The following FRMD6 variants were observed in gnomAD, a reference collection of about 807,000 sequenced individuals.
FRMD6 encodes FERM domain-containing protein 6.
In FRMD6, 37 loss-of-function variants were observed where a neutral mutation model predicts 73.2. The observed-to-expected ratio is 0.51, with a 90% CI of 0.39 to 0.66. The LOEUF (loss-of-function observed/expected upper bound fraction) is 0.66, where lower values mean the gene tolerates loss of function less well. FRMD6 is among the 30% of genes least tolerant of loss of function. The pLI, the probability that FRMD6 is intolerant of heterozygous loss-of-function variation, is 0.00. For synonymous variants in FRMD6, 273 were observed against 282.2 expected (o/e 0.97, Z 0.33); for missense variants, 714 against 780.5 (o/e 0.91, Z 1.02).
upstream of FRMD6, among the ~76,000 whole-genome samples, chr14:51,485,946 A>T (rs1349513842): frequency 1.3e-5 from 2 of 152,052 alleles, no homozygotes; most frequent in Non-Finnish European, 2.9e-5. Flanking sequence ...CTGCCTCAGA[A>T]TCCCAGACCT....
At chr14:51,602,265 A>G (rs1445643699) in intron 2 of FRMD6, among the ~76,000 whole-genome samples, 1 of 152,158 alleles carries the variant, frequency 6.6e-6, no homozygotes, top group Non-Finnish European at 1.5e-5. Flanking sequence ...TCAGGAGTGT[A>G]TGTCCGTGTA....
chr14:51,644,734 G>GA (rs575261733), intron 2 of FRMD6, among the ~76,000 whole-genome samples: 3 of 152,094 alleles, frequency 2.0e-5, no homozygotes, highest in Non-Finnish European at 4.4e-5. Context: ...ATCCAATATG[G>GA]ACTATTTGCA....
chr14:51,516,458 C>T (rs1369335860), intron 1 of FRMD6, among the ~76,000 whole-genome samples: 1 of 152,160 alleles, frequency 6.6e-6, no homozygotes, highest in Non-Finnish European at 1.5e-5. Flanking sequence ...GAAGCCAACA[C>T]AAACAAAATG....
At chr14:51,563,125 C>T (rs138058618) in intron 1 of FRMD6, among the ~76,000 whole-genome samples, 13 of 152,194 alleles carry the variant, frequency 8.5e-5, no homozygotes, top group Admixed American at 8.5e-4. Flanking sequence ...ACTTCTTCCA[C>T]GGTGACTAGC....
chr14:51,677,045 T>C (rs1276251107), intron 1 of FRMD6, among the ~76,000 whole-genome samples: 3 of 152,184 alleles, frequency 2.0e-5, no homozygotes, highest in Non-Finnish European at 4.4e-5. Flanking sequence ...TTTTTTGAGA[T>C]TCGCACTTGT....
intron 1 of FRMD6, among the ~76,000 whole-genome samples, chr14:51,569,118 T>C (rs1887955289): frequency 6.6e-6 from 1 of 152,108 alleles, no homozygotes; most frequent in East Asian, 1.9e-4. Flanking sequence ...AATGCTGGGA[T>C]TACAGGCGTG....
intron 2 of FRMD6, among the ~76,000 whole-genome samples, chr14:51,641,529 T>C (rs896709681): frequency 2.0e-5 from 3 of 152,148 alleles, no homozygotes; most frequent in South Asian, 2.1e-4. Context: ...CTTGGGGCTG[T>C]GGGAAGATCC....
At chr14:51,513,461 T>C (rs1884433483) in intron 1 of FRMD6, among the ~76,000 whole-genome samples, 1 of 152,216 alleles carries the variant, frequency 6.6e-6, no homozygotes, top group African/African-American at 2.4e-5. Flanking sequence ...CATTGACAGC[T>C]ACTAAGTCAG....
chr14:51,557,333 T>C (rs1203773452), intron 1 of FRMD6, among the ~76,000 whole-genome samples: 1 of 152,138 alleles, frequency 6.6e-6, no homozygotes, highest in East Asian at 1.9e-4. Flanking sequence ...GGAAATCCTG[T>C]CACTTTCAAT....
At chr14:51,445,565 C>T in the FRMD6 span, among the ~76,000 whole-genome samples, 57,661 of 151,576 alleles carry the variant, frequency 0.38, 11,253 homozygotes, top group Non-Finnish European at 0.41. Flanking sequence ...CCTGGCTTTG[C>T]AGTTGAGGAA....
chr14:51,549,869 A>G (rs1427025029), intron 1 of FRMD6, among the ~76,000 whole-genome samples: 1 of 152,130 alleles, frequency 6.6e-6, no homozygotes, highest in Non-Finnish European at 1.5e-5. Context: ...TGCTGGGATT[A>G]CAGGCGTGGG....
At chr14:51,512,638 G>A (rs1884380442) in intron 1 of FRMD6, among the ~76,000 whole-genome samples, 1 of 151,414 alleles carries the variant, frequency 6.6e-6, no homozygotes, top group African/African-American at 2.4e-5. Context: ...TGTGGGGGAT[G>A]GATAAAAAGA....
the FRMD6 span, among the ~76,000 whole-genome samples, chr14:51,467,879 T>C: frequency 2.6e-5 from 4 of 152,084 alleles, no homozygotes; most frequent in Non-Finnish European, 4.4e-5. Flanking sequence ...CCTCACTTCT[T>C]AGACGGGATG....
At chr14:51,641,073 C>G (rs1891788054) in intron 2 of FRMD6, among the ~76,000 whole-genome samples, 1 of 152,066 alleles carries the variant, frequency 6.6e-6, no homozygotes, top group Non-Finnish European at 1.5e-5. Flanking sequence ...CAGGTTCAAG[C>G]AATTCTCACG....
intron 1 of FRMD6, among the ~76,000 whole-genome samples, chr14:51,534,103 G>A (rs892042683): frequency 2.6e-5 from 4 of 152,194 alleles, no homozygotes; most frequent in African/African-American, 9.6e-5. Context: ...GTCTATGGAG[G>A]GTGGGGGTAC....
At chr14:51,656,046 G>GCTCTA (rs1422086669) in intron 1 of FRMD6, among the ~76,000 whole-genome samples, 1 of 152,202 alleles carries the variant, frequency 6.6e-6, no homozygotes, top group African/African-American at 2.4e-5. Context: ...ACCAGAGGGG[G>GCTCTA]CTCTACAGCA....
the FRMD6 span, among the ~76,000 whole-genome samples, chr14:51,417,859 C>CT: frequency 6.6e-6 from 1 of 151,888 alleles, no homozygotes; most frequent in African/African-American, 2.4e-5. Context: ...TTTTTTTACT[C>CT]TTTTTTCTCT....
intron 2 of FRMD6, among the ~76,000 whole-genome samples, chr14:51,624,326 G>T (rs74912884): frequency 0.02 from 3,103 of 152,208 alleles, 54 homozygotes; most frequent in Non-Finnish European, 0.028. Context: ...AAATAAAATT[G>T]CAGAGAATTT....
At chr14:51,625,860 G>A (rs1891094603) in intron 2 of FRMD6, among the ~76,000 whole-genome samples, 1 of 152,084 alleles carries the variant, frequency 6.6e-6, no homozygotes, top group African/African-American at 2.4e-5. Flanking sequence ...TTTACTGTCT[G>A]AATCATTCTT....
Sources: allele counts gnomAD v4.1 joint callset (sites outside exome capture counted in the v4.1 genomes callset), GRCh38; gene constraint gnomAD v4.1.1; transcripts MANE v1.5; gene names NCBI Gene and HGNC (gene_info 2026-07-23, HGNC 2026-07-21).